The following GPR107 variants were observed in gnomAD, a reference collection of about 807,000 sequenced individuals.
GPR107 encodes the protein G protein-coupled receptor 107.
A neutral mutation model predicts 75.5 loss-of-function variants in GPR107; 31 were observed. The observed-to-expected ratio is 0.41, with a 90% CI of 0.31 to 0.55. GPR107 has a LOEUF of 0.55. Ranked by LOEUF, GPR107 falls within the 20% of genes least tolerant of loss-of-function variation. The probability of loss-of-function intolerance (pLI) is 0.26; values close to 1 mark genes in which losing one functional copy is unlikely to be tolerated. For missense variants in GPR107, 572 were observed against 665.7 expected, an observed-to-expected ratio of 0.86 and a Z score of 1.55; for synonymous variants, 267 against 251.3, an observed-to-expected ratio of 1.06 and a Z score of -0.59.
chr9:130,099,373 A>G lies in GPR107; in HGVS notation c.864-84A>G, dbSNP rs934015795. The stretch of plus-strand genomic sequence containing the variant: ...CACAGATTATATTTCCTGTCTCCTT[A>G]TAAATATAGCTAATGTCTGGAGCTT... On this transcript the variant is annotated intron_variant, in intron 9 of 17. Transcript: ENST00000347136. 6.0e-5 allele frequency: 47 copies of G among 786,514 alleles called. No individual in the cohort carries two copies. The African/African-American group carries it at 6.7e-4, about 11-fold the overall frequency. 48.7% of individuals were successfully genotyped at this position (786,514 alleles called of 1,614,324 possible). A position where few individuals can be genotyped will look rare whatever the true frequency, so the allele number is the denominator to read the frequency against.
At chr9:130,094,305 G>T (rs932988234) in intron 9 of GPR107, among the ~76,000 whole-genome samples, 1 of 152,240 alleles carries the variant, frequency 6.6e-6, no homozygotes, top group African/African-American at 2.4e-5. Context: ...TTAGCTGGGC[G>T]TGGTGGCAGG....
intron 1 of GPR107, among the ~76,000 whole-genome samples, chr9:130,060,275 C>A (rs1256658029): frequency 6.6e-6 from 1 of 152,026 alleles, no homozygotes; most frequent in Non-Finnish European, 1.5e-5. Flanking sequence ...GTTGACCGGG[C>A]TGGTCTCAAA....
intron 15 of GPR107, 52 bp from the exon 16 acceptor site, chr9:130,127,431 T>C: frequency 1.1e-6 from 1 of 907,286 alleles, no homozygotes; most frequent in Middle Eastern, 2.1e-4. Context: ...GTTAAAGTGG[T>C]GTCCTAATTT....
chr9:130,100,826 A>G (rs928205015), intron 11 of GPR107, 124 bp downstream of exon 11: 1 of 735,412 alleles, frequency 1.4e-6, no homozygotes, highest in Admixed American at 2.1e-5. Context: ...GGCCCCTGCC[A>G]TACCAGAGGA....
chr9:130,056,768 A>C (rs1444101334), intron 1 of GPR107, among the ~76,000 whole-genome samples: 1 of 151,380 alleles, frequency 6.6e-6, no homozygotes, highest in Non-Finnish European at 1.5e-5. Flanking sequence ...TACTAAAAAT[A>C]CAAAAAATTA....
chr9:130,132,036 C>T (rs1194976372), intron 17 of GPR107, among the ~76,000 whole-genome samples: 1 of 152,192 alleles, frequency 6.6e-6, no homozygotes, highest in Non-Finnish European at 1.5e-5. Flanking sequence ...TGAATGCCAC[C>T]ATGCCCAGCT....
rs1831606651 is a variant in GPR107, at chr9:130,123,702, C to T, written c.1307-1213C>T. On this transcript the variant is annotated intron_variant, in intron 14 of 17. Transcript: ENST00000347136. ...ACAGGGAGGGGTTTCATCCTGTTGCCCAGGCTGGTCTCAAACTCCTGGGCT... is the reference window on the plus strand; with the variant it reads ...ACAGGGAGGGGTTTCATCCTGTTGCTCAGGCTGGTCTCAAACTCCTGGGCT... 2.6e-5 allele frequency among the ~76,000 whole-genome samples: 4 copies of T among 151,578 alleles called. No homozygotes were observed. In the South Asian group the frequency reaches 8.4e-4, roughly 32 times the overall value.
chr9:130,100,287 T>G (rs1830991550), intron 10 of GPR107, among the ~76,000 whole-genome samples: 1 of 152,192 alleles, frequency 6.6e-6, no homozygotes, highest in South Asian at 2.1e-4. Context: ...GAGAGAAAAT[T>G]GATGCTATAA....
chr9:130,106,919 C>G (rs1023075900), intron 13 of GPR107, among the ~76,000 whole-genome samples: 2 of 152,072 alleles, frequency 1.3e-5, no homozygotes, highest in South Asian at 4.2e-4. Flanking sequence ...CTCTCACCTG[C>G]GGCTCCTGTA....
At chr9:130,115,625 C>T (rs929468835) in intron 14 of GPR107, among the ~76,000 whole-genome samples, 5 of 151,786 alleles carry the variant, frequency 3.3e-5, no homozygotes, top group East Asian at 1.9e-4. Context: ...AATTAGCTGG[C>T]GTGGTGGTGG....
rs555011859 is a variant in GPR107 at position 130,119,343 on chromosome 9, C to T, written c.1307-5572C>T. Among the ~76,000 whole-genome samples the T allele has an allele frequency of 1.3e-3, 203 of 152,294 alleles. 1 individual carries two copies. Among genetic ancestry groups the T allele is most frequent in the African/African-American group, 4.4e-3 (184 of 41,564 alleles). ...CTGGATTCTTGCCAGAGGTGGCAGC[C>T]GCTGTGACACAGTATATGCTACATT... On this transcript the variant is annotated intron_variant, in intron 14 of 17. Coordinates refer to ENST00000347136, the MANE Select transcript of GPR107 (RefSeq NM_020960.5).
At chr9:130,072,470 C>T (rs545543527) in intron 1 of GPR107, among the ~76,000 whole-genome samples, 39 of 152,082 alleles carry the variant, frequency 2.6e-4, no homozygotes, top group Middle Eastern at 3.4e-3. Flanking sequence ...CTGCCTGCCT[C>T]GGCCTCCCAA....
intron 7 of GPR107, among the ~76,000 whole-genome samples, chr9:130,088,476 C>T (rs1830664912): frequency 6.6e-6 from 1 of 152,188 alleles, no homozygotes; most frequent in Admixed American, 6.5e-5. Context: ...TATTGCCTGT[C>T]TCCCCCTCTA....
chr9:130,120,252 G>A (rs1277526768), intron 14 of GPR107, among the ~76,000 whole-genome samples: 1 of 152,194 alleles, frequency 6.6e-6, no homozygotes, highest in Non-Finnish European at 1.5e-5. Flanking sequence ...TGCCTGTGTG[G>A]GGCGCGCAGG....
intron 1 of GPR107, among the ~76,000 whole-genome samples, chr9:130,071,023 C>CT (rs61429547): frequency 3.2e-4 from 34 of 106,252 alleles, no homozygotes; most frequent in Middle Eastern, 6.5e-3. Context: ...CCAGTCCTAA[C>CT]TTTTTTTTTT....
chr9:130,055,490 T>C (rs147267258), intron 1 of GPR107, among the ~76,000 whole-genome samples: 3,116 of 139,804 alleles, frequency 0.022, 44 homozygotes, highest in Middle Eastern at 0.042. Context: ...ATCCCGCCAC[T>C]GCACTCCAGC....
At chr9:130,097,267 GCCT>G (rs1830897980) in intron 9 of GPR107, among the ~76,000 whole-genome samples, 1 of 144,836 alleles carries the variant, frequency 6.9e-6, no homozygotes, top group Non-Finnish European at 1.5e-5. Context: ...CGATTCTCCT[GCCT>G]CACCCTCCTG....
chr9:130,056,462 TAAATA>T (rs544574809), intron 1 of GPR107, among the ~76,000 whole-genome samples: 32 of 150,418 alleles, frequency 2.1e-4, no homozygotes, highest in Non-Finnish European at 3.9e-4. Context: ...AATAAATAAA[TAAATA>T]AAATAAAATA....
chr9:130,100,199 C>T (rs1268332652), intron 10 of GPR107, among the ~76,000 whole-genome samples: 2 of 152,028 alleles, frequency 1.3e-5, no homozygotes, highest in Non-Finnish European at 2.9e-5. Flanking sequence ...CCGGCCTCCA[C>T]GACTTTTTTA....
Sources: allele counts gnomAD v4.1 joint callset (sites outside exome capture counted in the v4.1 genomes callset), GRCh38; gene constraint gnomAD v4.1.1; transcripts MANE v1.5; gene names NCBI Gene and HGNC (gene_info 2026-07-23, HGNC 2026-07-21).